HCN1: variants seen among roughly 807,000 people sequenced by gnomAD.
The protein encoded by HCN1 is potassium/sodium hyperpolarization-activated cyclic nucleotide-gated channel 1.
In HCN1, 13 loss-of-function variants were observed where a neutral mutation model predicts 78.9. The observed-to-expected ratio is 0.16, with a 90% CI of 0.11 to 0.26. HCN1 has a LOEUF of 0.26. Ranked by LOEUF, HCN1 falls within the 10% of genes least tolerant of loss-of-function variation. The pLI is 1.00. For missense variants in HCN1, 810 were observed against 1,154.3 expected (o/e 0.70, Z 4.32); for synonymous variants, 552 against 455.5 (o/e 1.21, Z -2.70).
intron 2 of HCN1, among the ~76,000 whole-genome samples, chr5:45,579,999 G>T (rs1310430968): frequency 6.6e-6 from 1 of 151,948 alleles, no homozygotes; most frequent in Admixed American, 6.6e-5. Context: ...CATTCCTCTG[G>T]AATATTAATT....
chr5:45,335,181 G>A (rs1304700751), intron 5 of HCN1, among the ~76,000 whole-genome samples: 2 of 151,876 alleles, frequency 1.3e-5, no homozygotes, highest in African/African-American at 4.8e-5. Flanking sequence ...AGGCTCAGAA[G>A]GGCATTAACC....
In HCN1 at chr5:45,389,600, C is replaced by T. The variant is rs185440823; in HGVS notation, c.1230+6892G>A. 5.8e-4 allele frequency among the ~76,000 whole-genome samples: 89 copies of T among 152,252 alleles called. 2 individuals are homozygous for T. The highest frequency in any genetic ancestry group is 3.8e-4 in the Non-Finnish European group (26 of 68,014). On this transcript the variant is annotated intron_variant, in intron 4 of 7. Transcript: ENST00000303230. ...ACATGGTTAGCATTCTGCAGGAATG[C>T]ATGGAGTGCAGGAACAAAATAGATT...
At chr5:45,442,376 G>A (rs567057103) in intron 3 of HCN1, among the ~76,000 whole-genome samples, 12 of 152,152 alleles carry the variant, frequency 7.9e-5, no homozygotes, top group East Asian at 1.9e-4. Context: ...AAGAACATAC[G>A]AAATTATGTT....
intron 6 of HCN1, among the ~76,000 whole-genome samples, chr5:45,289,502 T>C (rs1350738991): frequency 1.3e-5 from 2 of 151,996 alleles, no homozygotes; most frequent in East Asian, 3.9e-4. Flanking sequence ...AACAGAATAA[T>C]AGTTTGCACA....
chr5:45,425,469 T>C (rs1392531452), intron 3 of HCN1, among the ~76,000 whole-genome samples: 1 of 152,180 alleles, frequency 6.6e-6, no homozygotes, highest in Admixed American at 6.5e-5. Flanking sequence ...TACTTTCAAG[T>C]AGAACTGGGT....
intron 1 of HCN1, among the ~76,000 whole-genome samples, chr5:45,691,472 G>A (rs924981898): frequency 2.0e-5 from 3 of 152,038 alleles, no homozygotes; most frequent in Admixed American, 1.3e-4. Flanking sequence ...AAATTCACAC[G>A]TTTAAATCTT....
At chr5:45,475,631 TG>T (rs1242420407) in intron 2 of HCN1, among the ~76,000 whole-genome samples, 135 of 152,258 alleles carry the variant, frequency 8.9e-4, no homozygotes, top group African/African-American at 3.2e-3. Context: ...CATTATTATC[TG>T]GGCTTTCACC....
chr5:45,273,282 G>A (rs1025201444), intron 6 of HCN1, among the ~76,000 whole-genome samples: 7 of 152,078 alleles, frequency 4.6e-5, no homozygotes, highest in African/African-American at 1.7e-4. Flanking sequence ...TTCAGTGTCA[G>A]AAAGAGTGTG....
rs561035368 is a variant in HCN1, at chr5:45,673,909, C to G, written c.425+21760G>C. On this transcript the variant is annotated intron_variant, in intron 1 of 7. Transcript: ENST00000303230. ...TAATTTATTTCATGAAACGTGATTT[C>G]AAGTATGAAATTATGTGCCCCTAAA... is the stretch of plus-strand genomic sequence containing the variant. Among the ~76,000 whole-genome samples, 260 of 151,556 alleles carry G rather than the reference C, an allele frequency of 1.7e-3. 1 individual carries two copies. The highest frequency in any genetic ancestry group is 6.1e-3 in the African/African-American group (251 of 41,436).
intron 4 of HCN1, among the ~76,000 whole-genome samples, chr5:45,369,523 T>C (rs1224031986): frequency 2.0e-5 from 3 of 152,090 alleles, no homozygotes; most frequent in African/African-American, 7.2e-5. Context: ...GCCTGATTGG[T>C]ACTCTCAAGC....
chr5:45,676,474 A>T (rs1254370592), intron 1 of HCN1, among the ~76,000 whole-genome samples: 1 of 151,718 alleles, frequency 6.6e-6, no homozygotes, highest in Non-Finnish European at 1.5e-5. Flanking sequence ...CAGGAGAAAA[A>T]TTTTTAACAT....
chr5:45,296,716 C>T (rs772386275), intron 6 of HCN1, among the ~76,000 whole-genome samples: 6 of 151,432 alleles, frequency 4.0e-5, no homozygotes, highest in Non-Finnish European at 7.4e-5. Context: ...GAAGACTGAC[C>T]AAGAAAAAAG....
rs535543822 is a variant in HCN1, at chr5:45,347,497, G to A, written c.1377+5603C>T. On this transcript the variant is annotated intron_variant, in intron 5 of 7. Coordinates refer to ENST00000303230, the MANE Select transcript of HCN1 (RefSeq NM_021072.4). The stretch of plus-strand genomic sequence containing the variant: ...AGGAACGCAGTTGGTCACCAGCAAC[G>A]GAACAAAGCTGGATGGAGAATGACT... Among the ~76,000 whole-genome samples the A allele has an allele frequency of 1.6e-3, 250 of 152,278 alleles. 1 individual carries two copies. The highest frequency in any genetic ancestry group is 3.4e-3 in the Middle Eastern group (1 of 294).
intron 4 of HCN1, among the ~76,000 whole-genome samples, chr5:45,376,287 ATATATATTGTATTAT>A (rs1747670168): frequency 7.5e-4 from 1 of 1,336 alleles, no homozygotes; most frequent in African/African-American, 2.2e-3. Flanking sequence ...GAATATATAG[ATATATATTGTATTAT>A]ATATAAAATA....
At chr5:45,552,319 A>G (rs901013259) in intron 2 of HCN1, among the ~76,000 whole-genome samples, 1 of 151,970 alleles carries the variant, frequency 6.6e-6, no homozygotes, top group African/African-American at 2.4e-5. Context: ...TTTACATAGT[A>G]TACCTTAAAA....
intron 3 of HCN1, among the ~76,000 whole-genome samples, chr5:45,458,538 C>G (rs1352570106): frequency 6.6e-6 from 1 of 152,044 alleles, no homozygotes; most frequent in Non-Finnish European, 1.5e-5. Flanking sequence ...TGTCAGAGCT[C>G]AAACGTTAAT....
intron 2 of HCN1, among the ~76,000 whole-genome samples, chr5:45,464,211 A>G (rs561118579): frequency 6.6e-6 from 1 of 152,268 alleles, no homozygotes; most frequent in African/African-American, 2.4e-5. Flanking sequence ...AATGTTCTCT[A>G]GAGAGACAGG....
At chr5:45,495,406 G>C (rs1317306768) in intron 2 of HCN1, among the ~76,000 whole-genome samples, 1 of 145,158 alleles carries the variant, frequency 6.9e-6, no homozygotes, top group Non-Finnish European at 1.5e-5. Flanking sequence ...CTGTTTGTCT[G>C]TTATTGGTGT....
chr5:45,407,135 T>A (rs903796510), intron 3 of HCN1, among the ~76,000 whole-genome samples: 15 of 152,126 alleles, frequency 9.9e-5, no homozygotes, highest in Admixed American at 3.9e-4. Flanking sequence ...ATAAGTACAA[T>A]CATGCACCAC....
Sources: gnomAD v4.1 joint callset for allele counts (sites outside exome capture counted in the v4.1 genomes callset) on GRCh38, gnomAD v4.1.1 for gene constraint, MANE v1.5 for transcripts, NCBI Gene and HGNC (gene_info 2026-07-23, HGNC 2026-07-21) for gene names.